Variants in DNMBP observed in about 807,000 individuals in gnomAD.
The protein encoded by DNMBP is dynamin binding protein, also known as dynamin-binding protein.
DNMBP carries 87 observed loss-of-function variants against 150.0 expected under a neutral mutation model. That is an observed-to-expected ratio of 0.58 (90% CI 0.49 to 0.69). The LOEUF is 0.69. Among genes scored for constraint, DNMBP ranks in the 30% least tolerant of loss-of-function variants. The pLI is 0.00. For synonymous variants in DNMBP, 711 were observed against 750.4 expected, an observed-to-expected ratio of 0.95 and a Z score of 0.86; for missense variants, 1,774 against 1,949.0, an observed-to-expected ratio of 0.91 and a Z score of 1.69.
chr10:100,003,465 CTTAGCACTCTTCTG>C (rs2041037963), intron 1 of DNMBP, among the ~76,000 whole-genome samples: 1 of 152,228 alleles, frequency 6.6e-6, no homozygotes. Context: ...AAAACATACT[CTTAGCACTCTTCTG>C]TTAGCTTTAA....
At chr10:99,901,774 A>G (rs2039742461) in intron 6 of DNMBP, among the ~76,000 whole-genome samples, 2 of 151,924 alleles carry the variant, frequency 1.3e-5, no homozygotes, top group African/African-American at 2.4e-5. Flanking sequence ...CTGCTTCCCT[A>G]CAACCAACCA....
At chr10:99,926,199 G>C (rs1177908608) in intron 4 of DNMBP, among the ~76,000 whole-genome samples, 1 of 152,214 alleles carries the variant, frequency 6.6e-6, no homozygotes, top group Non-Finnish European at 1.5e-5. Context: ...ACTTGGTCTA[G>C]TAATGGTAGA....
At chr10:99,893,993 C>CT (rs995581534) in intron 11 of DNMBP, among the ~76,000 whole-genome samples, 6 of 152,046 alleles carry the variant, frequency 3.9e-5, no homozygotes, top group African/African-American at 1.4e-4. Flanking sequence ...TTAAGGATCC[C>CT]TTTTAAGGAA....
At position 99,956,277 on chromosome 10, in the gene DNMBP, G is replaced by GCC. The variant is rs1277010372; in HGVS notation, c.1196_1197insGG (p.Asp399GlufsTer11). The stretch of plus-strand genomic sequence containing the variant: ...CTTCTGTAGGGTCAGATGTGGGAGA[G>GCC]TCTGTGGCAAGAGGCATTTCCCACT... On this transcript the variant is annotated frameshift_variant, in exon 4 of 17. Transcript: ENST00000324109. LOFTEE classifies it high-confidence loss of function. 6.2e-6 allele frequency: 10 copies of GCC among 1,613,720 alleles called. No homozygotes were observed. In the South Asian group the frequency reaches 1.1e-4, roughly 18 times the overall value.
intron 4 of DNMBP, among the ~76,000 whole-genome samples, chr10:99,937,444 G>A (rs1284957194): frequency 6.6e-6 from 1 of 152,186 alleles, no homozygotes; most frequent in Non-Finnish European, 1.5e-5. Context: ...CTGCGAGTGT[G>A]AATAACCTGT....
chr10:99,877,004 A>C lies in DNMBP; in HGVS notation c.*147T>G. 1.6e-6 allele frequency: 1 copy of C among 623,482 alleles called. No individual in the cohort carries two copies. Among genetic ancestry groups the C allele is most frequent in the Non-Finnish European group, 2.7e-6 (1 of 369,310 alleles). 38.6% of individuals were successfully genotyped at this position (623,482 alleles called of 1,614,324 possible). A position where few individuals can be genotyped will look rare whatever the true frequency, so the allele number is the denominator to read the frequency against. ...GGTTTACAACCCAATCGAGGAGAACAAGATCTGTGGTGTGCTCCACCATGC... is the reference window on the plus strand; with the variant it reads ...GGTTTACAACCCAATCGAGGAGAACCAGATCTGTGGTGTGCTCCACCATGC... On this transcript the variant is annotated 3_prime_UTR_variant, in exon 17 of 17. Coordinates refer to ENST00000324109, the MANE Select transcript of DNMBP (RefSeq NM_015221.4).
At chr10:99,881,625 T>C (rs562991258) in intron 15 of DNMBP, among the ~76,000 whole-genome samples, 1 of 152,320 alleles carries the variant, frequency 6.6e-6, no homozygotes, top group African/African-American at 2.4e-5. Flanking sequence ...ACTTCTCAAG[T>C]TTGAGTAGAT....
chr10:99,908,889 C>T lies in DNMBP; in HGVS notation c.2454+64G>A, dbSNP rs1286143847. On this transcript the variant is annotated intron_variant, in intron 5 of 16. Coordinates refer to ENST00000324109, the MANE Select transcript of DNMBP (RefSeq NM_015221.4). ...AAATCTGTGGCGAAAGCTCCTATATCCTAATGCTTCTGGCCTGGAGGACCA... is the reference window on the plus strand; with the variant it reads ...AAATCTGTGGCGAAAGCTCCTATATTCTAATGCTTCTGGCCTGGAGGACCA... 3 of 1,457,204 alleles carry T rather than the reference C, an allele frequency of 2.1e-6. No homozygotes were observed. The African/African-American group carries it at 4.2e-5, about 20-fold the overall frequency. 90.3% of individuals were successfully genotyped at this position (1,457,204 alleles called of 1,614,324 possible).
At chr10:99,878,804 C>G (rs1449609516) in intron 16 of DNMBP, among the ~76,000 whole-genome samples, 1 of 152,140 alleles carries the variant, frequency 6.6e-6, no homozygotes, top group Non-Finnish European at 1.5e-5. Flanking sequence ...AGCTGTGAAT[C>G]TGAAAATGGC....
chr10:99,959,430 G>A (rs531090300), intron 3 of DNMBP, among the ~76,000 whole-genome samples: 5 of 152,072 alleles, frequency 3.3e-5, no homozygotes, highest in Non-Finnish European at 7.4e-5. Context: ...AGGCTGCAGT[G>A]AGCCATGGCT....
chr10:99,898,213 C>A lies in DNMBP; in HGVS notation c.2793G>T (p.Leu931=). The change falls in exon 9 of 17, where the codon CTG becomes CTT. Residue 931 remains leucine (L), a synonymous_variant. Transcript: ENST00000324109. The stretch of plus-strand genomic sequence containing the variant: ...TGGAATTCAGCAACTCCATTAGCAA[C>A]AGCGGGTAACGCATTACTCTCTGTA... The part of the protein sequence containing the change: ...KPVQRVMRYP[L]LLMELLNSTP... The A allele has an allele frequency of 6.2e-7, 1 of 1,614,042 alleles. No homozygotes were observed.
chr10:99,898,229 A>ACT lies in DNMBP; in HGVS notation c.2775_2776dup (p.Val926GlufsTer2). The ACT allele has an allele frequency of 6.2e-7, 1 of 1,613,836 alleles. No homozygotes were observed. The highest frequency in any genetic ancestry group is 8.5e-7 in the Non-Finnish European group (1 of 1,179,972). ...CATTAGCAACAGCGGGTAACGCATT[A>ACT]CTCTCTGTACTGGTTTGATGAGGAA... On this transcript the variant is annotated frameshift_variant, in exon 9 of 17. Transcript: ENST00000324109. LOFTEE classifies it high-confidence loss of function.
chr10:99,920,916 G>A (rs2040015727), intron 4 of DNMBP, among the ~76,000 whole-genome samples: 1 of 152,052 alleles, frequency 6.6e-6, no homozygotes, highest in African/African-American at 2.4e-5. Context: ...GTGAGCTCAA[G>A]GAATCTTCCT....
At chr10:100,005,511 T>A (rs1374958049) in intron 1 of DNMBP, among the ~76,000 whole-genome samples, 1 of 152,120 alleles carries the variant, frequency 6.6e-6, no homozygotes, top group East Asian at 1.9e-4. Flanking sequence ...CCCAGTACTT[T>A]GGGAGGCCAA....
rs773721000 is a variant in DNMBP, at chr10:99,895,071, G to A, written c.3052-21C>T. On this transcript the variant is annotated intron_variant, in intron 10 of 16. Transcript: ENST00000324109. ...TTTATCTGTTCAAAAATAAACAAGT[G>A]CTGTTAGCAAATCTGGACACTCCTT... 3.4e-6 allele frequency: 5 copies of A among 1,479,628 alleles called. No individual in the cohort carries two copies. In the Admixed American group the frequency reaches 7.0e-5, roughly 21 times the overall value. The allele number at this position is 1,479,628 out of a possible 1,614,324, so 91.7% of individuals were successfully genotyped here.
intron 13 of DNMBP, 63 bp from the exon 14 acceptor site, chr10:99,885,929 A>G: frequency 7.0e-7 from 1 of 1,426,048 alleles, no homozygotes; most frequent in Non-Finnish European, 9.4e-7. Flanking sequence ...GATCCCAGAG[A>G]AAAGAAGAAA....
chr10:99,957,451 TCAAA>T, intron 3 of DNMBP: 1 of 550,778 alleles, frequency 1.8e-6, no homozygotes, highest in East Asian at 3.0e-5. Flanking sequence ...ATCTGTGAGG[TCAAA>T]ACCATTCTCA....
chr10:99,933,593 G>A (rs2040185607), intron 4 of DNMBP, among the ~76,000 whole-genome samples: 1 of 152,212 alleles, frequency 6.6e-6, no homozygotes, highest in Admixed American at 6.5e-5. Context: ...CCAGCAGAGT[G>A]GGAGTTATGG....
At chr10:99,901,443 T>C (rs1447833995) in intron 6 of DNMBP, among the ~76,000 whole-genome samples, 1 of 152,212 alleles carries the variant, frequency 6.6e-6, no homozygotes, top group Non-Finnish European at 1.5e-5. Flanking sequence ...ATGTGACTTA[T>C]TCCCTACATT....
Sources: allele counts gnomAD v4.1 joint callset (sites outside exome capture counted in the v4.1 genomes callset), GRCh38; gene constraint gnomAD v4.1.1; transcripts MANE v1.5; gene names NCBI Gene and HGNC (gene_info 2026-07-23, HGNC 2026-07-21).